Variants in TRPM3 observed in about 807,000 individuals in gnomAD.
The protein encoded by TRPM3 is long transient receptor potential channel 3.
A neutral mutation model predicts 181.2 loss-of-function variants in TRPM3; 77 were observed. The observed-to-expected ratio is 0.42, with a 90% CI of 0.35 to 0.51. TRPM3 has a LOEUF of 0.51. Among genes scored for constraint, TRPM3 ranks in the 20% least tolerant of loss-of-function variants. The pLI, the probability that TRPM3 is intolerant of heterozygous loss-of-function variation, is 0.01. For synonymous variants in TRPM3, 745 were observed against 796.4 expected (o/e 0.94, Z 1.09); for missense variants, 1,759 against 2,196.7 (o/e 0.80, Z 3.98).
At chr9:70,622,961 T>C (rs1589435738) in intron 14 of TRPM3, among the ~76,000 whole-genome samples, 1 of 152,206 alleles carries the variant, frequency 6.6e-6, no homozygotes, top group Non-Finnish European at 1.5e-5. Flanking sequence ...CTGTTATATA[T>C]ATTTTTTCAT....
At chr9:71,141,502 C>G (rs545456301) in intron 1 of TRPM3, among the ~76,000 whole-genome samples, 1 of 152,234 alleles carries the variant, frequency 6.6e-6, no homozygotes, top group Admixed American at 6.5e-5. Context: ...GTAATATAGA[C>G]TTTTCTTAGC....
intron 1 of TRPM3, among the ~76,000 whole-genome samples, chr9:71,162,039 T>C (rs1184630168): frequency 6.6e-6 from 1 of 151,296 alleles, no homozygotes; most frequent in East Asian, 1.9e-4. Context: ...CCGTCTCTAC[T>C]AAAATAAAAA....
chr9:71,356,465 T>A (rs757950519), intron 1 of TRPM3, among the ~76,000 whole-genome samples: 1 of 152,140 alleles, frequency 6.6e-6, no homozygotes, highest in Non-Finnish European at 1.5e-5. Flanking sequence ...GCTATGAGAC[T>A]GTAAAATAGA....
chr9:71,387,039 G>C (rs2092940606), intron 1 of TRPM3, among the ~76,000 whole-genome samples: 1 of 152,148 alleles, frequency 6.6e-6, no homozygotes, highest in Non-Finnish European at 1.5e-5. Context: ...TTATTAGATA[G>C]TTATCTAACA....
At chr9:70,841,661 TCCC>T (rs2094667700) in intron 5 of TRPM3, among the ~76,000 whole-genome samples, 3 of 86,070 alleles carry the variant, frequency 3.5e-5, no homozygotes, top group African/African-American at 4.7e-5. Context: ...TATATATATA[TCCC>T]ACCATATATA....
chr9:70,558,917 T>A (rs2131965830), intron 22 of TRPM3, among the ~76,000 whole-genome samples: 1 of 152,326 alleles, frequency 6.6e-6, no homozygotes, highest in East Asian at 1.9e-4. Flanking sequence ...TTGTGTTAAC[T>A]ATGCATTAAT....
chr9:70,943,896 C>CAGAGTAGCTGGAGT (rs755238626), intron 1 of TRPM3, among the ~76,000 whole-genome samples: 14 of 152,188 alleles, frequency 9.2e-5, no homozygotes, highest in Admixed American at 8.5e-4. Context: ...TCTCTTGCCT[C>CAGAGTAGCTGGAGT]AGCCTCCCAA....
intron 1 of TRPM3, among the ~76,000 whole-genome samples, chr9:71,000,968 C>A (rs767804925): frequency 6.6e-6 from 1 of 152,278 alleles, no homozygotes; most frequent in African/African-American, 2.4e-5. Flanking sequence ...ACCAAAACAC[C>A]TTTTCTATTA....
At chr9:71,406,014 A>T (rs2093429293) in intron 1 of TRPM3, among the ~76,000 whole-genome samples, 1 of 152,118 alleles carries the variant, frequency 6.6e-6, no homozygotes, top group Non-Finnish European at 1.5e-5. Flanking sequence ...GGTGGCTCAC[A>T]CCTGTAATCC....
intron 11 of TRPM3, among the ~76,000 whole-genome samples, chr9:70,638,192 C>A (rs1245255870): frequency 6.6e-6 from 1 of 152,054 alleles, no homozygotes; most frequent in Non-Finnish European, 1.5e-5. Context: ...TGGAGAATGG[C>A]AAAACAAGGT....
chr9:71,442,231 A>G (rs1464930331), intron 1 of TRPM3, among the ~76,000 whole-genome samples: 1 of 152,204 alleles, frequency 6.6e-6, no homozygotes, highest in Non-Finnish European at 1.5e-5. Context: ...GTACCTGCTG[A>G]TAAGGGTAAT....
At position 71,252,453 on chromosome 9, in the gene TRPM3, G is replaced by A. The variant is rs533026169; in HGVS notation, c.183+194200C>T. 6.6e-5 allele frequency among the ~76,000 whole-genome samples: 10 copies of A among 152,118 alleles called. No individual in the cohort carries two copies. In the South Asian group the frequency reaches 1.3e-3, roughly 19 times the overall value. On this transcript the variant is annotated intron_variant, in intron 1 of 24. Transcript: ENST00000357533. ...AAAATGACAGCTTATGATACAAACC[G>A]CCTCTGTCCCAACAAGTTCCTCCAT...
chr9:71,438,741 A>G (rs2094088646), intron 1 of TRPM3, among the ~76,000 whole-genome samples: 1 of 152,216 alleles, frequency 6.6e-6, no homozygotes, highest in South Asian at 2.1e-4. Context: ...AATACCTAAG[A>G]CTTGCTTACA....
intron 1 of TRPM3, among the ~76,000 whole-genome samples, chr9:70,875,725 C>T (rs2095858509): frequency 6.6e-6 from 1 of 151,838 alleles, no homozygotes; most frequent in Admixed American, 6.6e-5. Context: ...GCAGAGACTG[C>T]TCAAGATTTG....
chr9:70,796,517 G>T (rs1031589264), intron 6 of TRPM3, among the ~76,000 whole-genome samples: 13 of 152,140 alleles, frequency 8.5e-5, no homozygotes, highest in Non-Finnish European at 4.4e-5. Flanking sequence ...TCATCCTTCA[G>T]GTCCCAGGTT....
Position 71,282,370 on chromosome 9 carries a change from T to TGAAAGAAA in TRPM3, c.183+164275_183+164282dup, listed in dbSNP as rs71493608. ...AAAAGAAAGAAAGAAAAAGAAAGAA[T>TGAAAGAAA]GAAAGAAAGAAAGAAAGGAAAGAAA... On this transcript the variant is annotated intron_variant, in intron 1 of 24. Transcript: ENST00000357533. 7.1e-3 allele frequency among the ~76,000 whole-genome samples: 529 copies of TGAAAGAAA among 74,912 alleles called. 63 individuals are homozygous for TGAAAGAAA. The highest frequency in any genetic ancestry group is 0.011 in the Non-Finnish European group (428 of 38,854). The allele number at this position is 74,912 out of a possible 152,430, so 49.1% of individuals were successfully genotyped here. A position where few individuals can be genotyped will look rare whatever the true frequency, so the allele number is the denominator to read the frequency against.
chr9:70,561,195 GA>G (rs746792628), intron 22 of TRPM3, among the ~76,000 whole-genome samples: 11 of 152,098 alleles, frequency 7.2e-5, no homozygotes, highest in Admixed American at 7.2e-4. Flanking sequence ...AATCCATCTT[GA>G]AAAGATAACG....
chr9:71,029,900 A>G (rs11142672), intron 1 of TRPM3, among the ~76,000 whole-genome samples: 49,667 of 152,098 alleles, frequency 0.33, 8,952 homozygotes, highest in Middle Eastern at 0.44. Flanking sequence ...TGGACTGCTC[A>G]TATTTGAGTC....
At chr9:71,323,669 G>C (rs574356026) in intron 1 of TRPM3, among the ~76,000 whole-genome samples, 2 of 152,190 alleles carry the variant, frequency 1.3e-5, no homozygotes, top group South Asian at 4.2e-4. Context: ...GAAAGGTCAC[G>C]CTATGGTTTG....
Sources: gnomAD v4.1 joint callset for allele counts (sites outside exome capture counted in the v4.1 genomes callset) on GRCh38, gnomAD v4.1.1 for gene constraint, MANE v1.5 for transcripts, NCBI Gene and HGNC (gene_info 2026-07-23, HGNC 2026-07-21) for gene names.